STX7: variants seen among roughly 807,000 people sequenced by gnomAD.
STX7 encodes the protein syntaxin 7, also known as syntaxin-7.
Under a neutral mutation model 39.6 loss-of-function variants are expected in STX7, and 34 were observed. The observed-to-expected ratio is 0.86, with a 90% CI of 0.65 to 1.14. The LOEUF (loss-of-function observed/expected upper bound fraction) is 1.14, where lower values mean the gene tolerates loss of function less well. STX7 is among the 50% of genes most tolerant of loss of function. The probability of loss-of-function intolerance (pLI) is 0.00; values close to 1 mark genes in which losing one functional copy is unlikely to be tolerated. For synonymous variants in STX7, 119 were observed against 99.1 expected (o/e 1.20, Z -1.19); for missense variants, 284 against 310.4 (o/e 0.92, Z 0.64).
rs542864839 is a variant in STX7 at position 132,455,398 on chromosome 6, C to T, written c.*5360G>A. The T allele has an allele frequency of 1.2e-4, 18 of 152,268 alleles. No individual in the cohort carries two copies. Among genetic ancestry groups the T allele is most frequent in the African/African-American group, 3.6e-4 (15 of 41,568 alleles). The allele number at this position is 152,268 out of a possible 1,614,324, so 9.4% of individuals were successfully genotyped here. ...GTTGGAGTTAGTAACTACTGCCTAA[C>T]GATACTTACAGTAAACACTTAAAAA... On this transcript the variant is annotated 3_prime_UTR_variant, in exon 10 of 10. Coordinates refer to ENST00000367941, the MANE Select transcript of STX7 (RefSeq NM_003569.3).
chr6:132,463,252 T>C (rs1255735229), intron 9 of STX7, among the ~76,000 whole-genome samples: 2 of 152,036 alleles, frequency 1.3e-5, no homozygotes, highest in Admixed American at 6.6e-5. Flanking sequence ...TTATGAATGA[T>C]AGCAACAAAG....
At chr6:132,463,292 C>T (rs775277732) in intron 9 of STX7, among the ~76,000 whole-genome samples, 1 of 152,102 alleles carries the variant, frequency 6.6e-6, no homozygotes, top group African/African-American at 2.4e-5. Flanking sequence ...AAATCAAATG[C>T]TACATGGTAT....
At position 132,495,142 on chromosome 6, in the gene STX7, C is replaced by T. The variant is rs549842131; in HGVS notation, c.85+8304G>A. Among the ~76,000 whole-genome samples the T allele has an allele frequency of 1.2e-3, 185 of 152,266 alleles. 1 individual carries two copies. The highest frequency in any genetic ancestry group is 4.2e-3 in the African/African-American group (176 of 41,528). Reference sequence around the variant, plus strand: ...GATAGGAGAGTGAGGGATAAAGCTCCTTGAAGCATCTTGGAGCCACATCTT... The same window carrying T: ...GATAGGAGAGTGAGGGATAAAGCTCTTTGAAGCATCTTGGAGCCACATCTT... On this transcript the variant is annotated intron_variant, in intron 2 of 9. Transcript: ENST00000367941.
At chr6:132,460,988 G>T in intron 9 of STX7, 138 bp from the exon 10 acceptor site, 1 of 636,086 alleles carries the variant, frequency 1.6e-6, no homozygotes, top group Non-Finnish European at 2.6e-6. Context: ...ATTTTTGACT[G>T]TGTTTTTTTG....
At chr6:132,488,859 C>T (rs1408874060) in intron 2 of STX7, among the ~76,000 whole-genome samples, 1 of 152,018 alleles carries the variant, frequency 6.6e-6, no homozygotes, top group Non-Finnish European at 1.5e-5. Context: ...AATCTTTCCT[C>T]GTCTATCAAA....
rs1196190172 is a variant in STX7, at chr6:132,453,360, C to A, written c.*7398G>T. The A allele has an allele frequency of 6.6e-6, 1 of 151,858 alleles. No homozygotes were observed. The allele number at this position is 151,858 out of a possible 1,614,324, so 9.4% of individuals were successfully genotyped here. ...AAGGAGAGAGGCAAAGTTCTTGATA[C>A]CAGAAGCATGATCCATAAAAAGAAA... On this transcript the variant is annotated 3_prime_UTR_variant, in exon 10 of 10. Coordinates refer to ENST00000367941, the MANE Select transcript of STX7 (RefSeq NM_003569.3).
intron 1 of STX7, among the ~76,000 whole-genome samples, chr6:132,510,497 C>T (rs1217409813): frequency 6.6e-6 from 1 of 152,098 alleles, no homozygotes; most frequent in Admixed American, 6.6e-5. Flanking sequence ...CAATTTACAC[C>T]ATTTTATATT....
intron 2 of STX7, among the ~76,000 whole-genome samples, chr6:132,501,126 C>CACTG (rs2114468341): frequency 6.7e-6 from 1 of 150,268 alleles, no homozygotes; most frequent in East Asian, 2.0e-4. Context: ...ATGGCGTGAT[C>CACTG]ACTGCAACCT....
rs564825216 is a variant in STX7, at chr6:132,464,038, G to A, written c.648C>T (p.His216=). The A allele has an allele frequency of 5.0e-6, 8 of 1,613,940 alleles. No homozygotes were observed. The highest frequency in any genetic ancestry group is 2.2e-5 in the East Asian group (1 of 44,874). ...IEANVENAEV[H]VQQANQQLSR... ...ACAGCTGCTGATTTGCTTGCTGAAC[G>A]TGCACCTCTGCATTTTCCACATTGG... Residue 216 remains histidine, a synonymous_variant, in exon 9 of 10, where the codon CAC becomes CAT. Coordinates refer to ENST00000367941, the MANE Select transcript of STX7 (RefSeq NM_003569.3).
intron 8 of STX7, among the ~76,000 whole-genome samples, chr6:132,464,529 T>C (rs559945550): frequency 6.7e-6 from 1 of 148,236 alleles, no homozygotes; most frequent in Non-Finnish European, 1.5e-5. Flanking sequence ...TTTCAAAGAA[T>C]ATTATGTCCT....
chr6:132,456,178 A>T lies in STX7; in HGVS notation c.*4580T>A, dbSNP rs1774238622. On this transcript the variant is annotated 3_prime_UTR_variant, in exon 10 of 10. Transcript: ENST00000367941. ...AGCCATTACACACAGATCATCACTCAAATCAGTAGTTTCTCTTTAGAAAAC... is the reference window on the plus strand; with the variant it reads ...AGCCATTACACACAGATCATCACTCTAATCAGTAGTTTCTCTTTAGAAAAC... 1.3e-5 allele frequency: 2 copies of T among 152,166 alleles called. No homozygotes were observed. The highest frequency in any genetic ancestry group is 4.8e-5 in the African/African-American group (2 of 41,434). 9.4% of individuals were successfully genotyped at this position (152,166 alleles called of 1,614,324 possible).
chr6:132,487,865 A>G (rs1775178095), intron 2 of STX7, among the ~76,000 whole-genome samples: 1 of 152,118 alleles, frequency 6.6e-6, no homozygotes, highest in African/African-American at 2.4e-5. Flanking sequence ...TCAAAGAAAT[A>G]GCTTTTGGTT....
Position 132,503,491 on chromosome 6 carries a change from A to C in STX7, c.40T>G (p.Leu14Val). The C allele has an allele frequency of 6.2e-7, 1 of 1,614,138 alleles. No individual in the cohort carries two copies. The highest frequency in any genetic ancestry group is 1.3e-5 in the African/African-American group (1 of 75,056). Residue 14 changes from leucine to valine, a missense_variant, in exon 2 of 10, where the codon TTG becomes GTG. Transcript: ENST00000367941. ...ATGTTAGAAGAGATCCTCTGGGCCA[A>C]CTGGGCGGGGTCACCACCAACTCCT... is the stretch of plus-strand genomic sequence containing the variant. ...TPGVGGDPAQLAQRISSNIQK... is the reference protein window; with the variant it reads ...TPGVGGDPAQVAQRISSNIQK...
chr6:132,492,479 G>A (rs994661621), intron 2 of STX7, among the ~76,000 whole-genome samples: 7 of 151,716 alleles, frequency 4.6e-5, no homozygotes, highest in African/African-American at 1.7e-4. Flanking sequence ...TATTTTATTC[G>A]CTGACATAGC....
rs968117480 is a variant in STX7 at position 132,452,037 on chromosome 6, C to T, written c.*8721G>A. 3 of 152,096 alleles carry T rather than the reference C, an allele frequency of 2.0e-5. No homozygotes were observed. Among genetic ancestry groups the T allele is most frequent in the Non-Finnish European group, 4.4e-5 (3 of 68,012 alleles). 9.4% of individuals were successfully genotyped at this position (152,096 alleles called of 1,614,324 possible). A position where few individuals can be genotyped will look rare whatever the true frequency, so the allele number is the denominator to read the frequency against. ...ATTAAGCTATATATACAAAGATACACCACGACCAAGTGGAGTTTATCTCAG... is the reference window on the plus strand; with the variant it reads ...ATTAAGCTATATATACAAAGATACATCACGACCAAGTGGAGTTTATCTCAG... On this transcript the variant is annotated 3_prime_UTR_variant, in exon 10 of 10. Transcript: ENST00000367941.
In STX7 at chr6:132,454,924, T is replaced by TATGA. The variant is rs1491231095; in HGVS notation, c.*5830_*5833dup. ...TAAATGTTAAAACTATGATAACCTT[T>TATGA]ATGAGGCTGAACATTAAATCTGGCC... On this transcript the variant is annotated 3_prime_UTR_variant, in exon 10 of 10. Transcript: ENST00000367941. The TATGA allele has an allele frequency of 6.6e-6, 1 of 152,160 alleles. No individual in the cohort carries two copies. The highest frequency in any genetic ancestry group is 1.9e-4 in the East Asian group (1 of 5,198). The allele number at this position is 152,160 out of a possible 1,614,324, so 9.4% of individuals were successfully genotyped here. A position where few individuals can be genotyped will look rare whatever the true frequency, so the allele number is the denominator to read the frequency against.
chr6:132,472,841 T>G (rs1774766784), intron 3 of STX7, among the ~76,000 whole-genome samples: 1 of 150,266 alleles, frequency 6.7e-6, no homozygotes, highest in East Asian at 2.0e-4. Flanking sequence ...AACATGTATA[T>G]GCTATAGATA....
chr6:132,501,791 T>C (rs554578152), intron 2 of STX7, among the ~76,000 whole-genome samples: 150 of 152,040 alleles, frequency 9.9e-4, no homozygotes, highest in Non-Finnish European at 1.9e-3. Context: ...GTAATTAGAA[T>C]TATAAACTTC....
chr6:132,468,267 T>A, intron 8 of STX7, 136 bp downstream of exon 8: 1 of 690,638 alleles, frequency 1.4e-6, no homozygotes, highest in Non-Finnish European at 2.6e-6. Flanking sequence ...GCTTACTGTG[T>A]TTTATAGACC....
Sources: gnomAD v4.1 joint callset for allele counts (sites outside exome capture counted in the v4.1 genomes callset) on GRCh38, gnomAD v4.1.1 for gene constraint, MANE v1.5 for transcripts, NCBI Gene and HGNC (gene_info 2026-07-23, HGNC 2026-07-21) for gene names.